CD46: variants seen among roughly 807,000 people sequenced by gnomAD.
The protein encoded by CD46 is CD46 molecule, also known as membrane cofactor protein.
Under a neutral mutation model 53.3 loss-of-function variants are expected in CD46, and 30 were observed. The observed-to-expected ratio is 0.56, with a 90% CI of 0.42 to 0.76. The LOEUF (loss-of-function observed/expected upper bound fraction) is 0.76. Ranked by LOEUF, CD46 falls within the 30% of genes least tolerant of loss-of-function variation. CD46 has a pLI of 0.00. For synonymous variants in CD46, 142 were observed against 152.0 expected (o/e 0.93, Z 0.48); for missense variants, 409 against 463.0 (o/e 0.88, Z 1.07).
At chr1:207,752,049 C>CGGGCGCGGCTCG, upstream of CD46, 1 of 761,234 alleles carries the variant, frequency 1.3e-6, no homozygotes, top group Non-Finnish European at 2.3e-6. This position sits in a 1 kb window ranked among gnomAD's most constrained non-coding sequence, Gnocchi z 4.1. Flanking sequence ...ACTTCCGCCC[C>CGGGCGCGGCTCG]GGGCGCGGCT....
chr1:207,765,909 T>G (rs1319334055), intron 5 of CD46, among the ~76,000 whole-genome samples: 1 of 152,218 alleles, frequency 6.6e-6, no homozygotes, highest in East Asian at 1.9e-4. Context: ...CACATGTTCT[T>G]GAGTTGGTGA....
At chr1:207,792,467 T>A (rs1258217495) in intron 12 of CD46, among the ~76,000 whole-genome samples, 2 of 152,124 alleles carry the variant, frequency 1.3e-5, no homozygotes, top group Non-Finnish European at 2.9e-5. Flanking sequence ...CGTTTACGCC[T>A]GAGGTTGCAA....
At chr1:207,766,932 C>CT in intron 5 of CD46, 81 bp from the exon 6 acceptor site, 2 of 1,111,722 alleles carry the variant, frequency 1.8e-6, no homozygotes, top group Non-Finnish European at 2.7e-6. Context: ...TGTCTCTGTT[C>CT]ACACTGGAAA....
chr1:207,786,428 G>A (rs1659278864), intron 11 of CD46, among the ~76,000 whole-genome samples: 1 of 152,124 alleles, frequency 6.6e-6, no homozygotes, highest in Non-Finnish European at 1.5e-5. Flanking sequence ...AGAAAATAGG[G>A]TTTTAAAACA....
chr1:207,767,727 G>A (rs1191583646), intron 6 of CD46, 52 bp from the exon 7 acceptor site: 1 of 1,591,176 alleles, frequency 6.3e-7, no homozygotes, highest in Non-Finnish European at 8.6e-7. Context: ...GAAATTGCCA[G>A]CAATAACTCC....
At chr1:207,773,286 TCTTTA>T (rs1407453928) in intron 8 of CD46, among the ~76,000 whole-genome samples, 2 of 152,220 alleles carry the variant, frequency 1.3e-5, no homozygotes, top group African/African-American at 4.8e-5. Flanking sequence ...GATTATTCTC[TCTTTA>T]CTTCTTTATT....
chr1:207,773,466 A>G (rs1657744176), intron 8 of CD46, among the ~76,000 whole-genome samples: 1 of 152,010 alleles, frequency 6.6e-6, no homozygotes, highest in Non-Finnish European at 1.5e-5. Context: ...TTGTTTCTCT[A>G]GTTCTTTTAA....
At chr1:207,792,787 T>A (rs1659920254) in intron 12 of CD46, among the ~76,000 whole-genome samples, 1 of 152,230 alleles carries the variant, frequency 6.6e-6, no homozygotes. Context: ...CCAAAGTGGC[T>A]AGTCCAATGT....
intron 12 of CD46, among the ~76,000 whole-genome samples, chr1:207,793,207 G>A (rs562169971): frequency 6.6e-6 from 1 of 152,294 alleles, no homozygotes; most frequent in African/African-American, 2.4e-5. Flanking sequence ...AGGAAAGCAT[G>A]CGTTTGTCTC....
intron 12 of CD46, among the ~76,000 whole-genome samples, chr1:207,791,910 G>A (rs2102718741): frequency 6.6e-6 from 1 of 152,122 alleles, no homozygotes; most frequent in Middle Eastern, 3.4e-3. Flanking sequence ...TTTATCTTTG[G>A]CATAGATTGG....
At chr1:207,760,931 G>A (rs1469136203) in intron 4 of CD46, 6 of 356,508 alleles carry the variant, frequency 1.7e-5, no homozygotes, top group African/African-American at 4.2e-5. Flanking sequence ...CCATGATTCA[G>A]ACCCCTCCCA....
rs549608776 is a variant in CD46, at chr1:207,787,647, C to T, written c.1082+1965C>T. ...ATAGTCCAGAAAATGGTGTGAGAGA[C>T]GAAACTCCTAATTGCCTTTGAACTT... On this transcript the variant is annotated intron_variant, in intron 11 of 12. Coordinates refer to ENST00000367042, the MANE Select transcript of CD46 (RefSeq NM_172351.3). Among the ~76,000 whole-genome samples the T allele has an allele frequency of 1.6e-4, 25 of 152,218 alleles. 1 individual carries two copies. In the South Asian group the frequency reaches 4.4e-3, roughly 27 times the overall value.
intron 1 of CD46, among the ~76,000 whole-genome samples, chr1:207,753,405 C>T (rs566013265): frequency 1.1e-3 from 172 of 152,366 alleles, no homozygotes; most frequent in African/African-American, 4.0e-3. Context: ...CGCAGTGGCT[C>T]ACGCCTGTGA....
intron 12 of CD46, among the ~76,000 whole-genome samples, chr1:207,790,958 C>T (rs1004449946): frequency 2.6e-5 from 4 of 152,224 alleles, no homozygotes; most frequent in Admixed American, 1.3e-4. Context: ...AATGTGTGTC[C>T]GCAGAGCTGG....
chr1:207,754,204 A>G (rs1655250605), intron 1 of CD46, among the ~76,000 whole-genome samples: 1 of 152,218 alleles, frequency 6.6e-6, no homozygotes. Flanking sequence ...CATTTAACAA[A>G]TGATTGGAGA....
intron 8 of CD46, among the ~76,000 whole-genome samples, chr1:207,770,871 A>G (rs553882389): frequency 2.0e-5 from 3 of 152,344 alleles, no homozygotes; most frequent in South Asian, 2.1e-4. Flanking sequence ...ATACGTGTGC[A>G]TGTGTCTTTA....
chr1:207,779,657 G>T (rs1294297399), intron 8 of CD46, among the ~76,000 whole-genome samples: 1 of 152,030 alleles, frequency 6.6e-6, no homozygotes, highest in Non-Finnish European at 1.5e-5. Flanking sequence ...CATGTGTTCT[G>T]ACTTTGGTCT....
rs1660104584 is a variant in CD46, at chr1:207,794,772, G to A, written c.*1295G>A. The A allele has an allele frequency of 6.6e-6, 1 of 152,218 alleles. No individual in the cohort carries two copies. The highest frequency in any genetic ancestry group is 2.4e-5 in the African/African-American group (1 of 41,454). The allele number at this position is 152,218 out of a possible 1,614,324, so 9.4% of individuals were successfully genotyped here. A position where few individuals can be genotyped will look rare whatever the true frequency, so the allele number is the denominator to read the frequency against. On this transcript the variant is annotated 3_prime_UTR_variant, in exon 13 of 13. Transcript: ENST00000367042. ...GCCCTCTACTGAGTCCCTTAGCCAA[G>A]CAGTTTCTTTCAAAGAAGCCAGCAG...
intron 6 of CD46, 45 bp downstream of exon 6, chr1:207,767,240 G>A (rs1656965232): frequency 2.0e-6 from 3 of 1,516,148 alleles, no homozygotes; most frequent in Admixed American, 1.7e-5. Context: ...TATTGTTGTT[G>A]CTGTTCATTT....
Sources: allele counts gnomAD v4.1 joint callset (sites outside exome capture counted in the v4.1 genomes callset), GRCh38; gene constraint gnomAD v4.1.1; non-coding constraint Gnocchi (gnomAD v3.1); transcripts MANE v1.5; gene names NCBI Gene and HGNC (gene_info 2026-07-23, HGNC 2026-07-21).